The following CCSER1 variants were observed in gnomAD, a reference collection of about 807,000 sequenced individuals.
CCSER1 encodes coiled-coil serine rich protein 1.
In CCSER1, 41 loss-of-function variants were observed where a neutral mutation model predicts 82.0. The ratio of observed to expected loss-of-function variants is 0.50; its 90% confidence interval spans 0.39 to 0.65. The LOEUF is 0.65. Among genes scored for constraint, CCSER1 ranks in the 30% least tolerant of loss-of-function variants. The pLI is 0.00. For synonymous variants in CCSER1, 414 were observed against 383.9 expected (o/e 1.08, Z -0.92); for missense variants, 1,119 against 1,064.2 (o/e 1.05, Z -0.72).
intron 10 of CCSER1, among the ~76,000 whole-genome samples, chr4:91,557,045 A>T (rs1005702226): frequency 6.0e-5 from 9 of 150,250 alleles, no homozygotes; most frequent in South Asian, 4.2e-4. Flanking sequence ...GTTTTCTGTG[A>T]CACTTTGCTT....
chr4:90,364,204 C>T (rs1290695563), intron 3 of CCSER1, among the ~76,000 whole-genome samples: 1 of 151,890 alleles, frequency 6.6e-6, no homozygotes, highest in Non-Finnish European at 1.5e-5. Flanking sequence ...CAGGGACTGA[C>T]CATAAAGGGG....
intron 1 of CCSER1, among the ~76,000 whole-genome samples, chr4:90,189,884 T>G (rs570884954): frequency 1.2e-4 from 19 of 152,136 alleles, no homozygotes; most frequent in Admixed American, 1.2e-3. Flanking sequence ...TGAGTTTTGT[T>G]GTTTACTAGG....
chr4:90,874,196 T>C (rs1298866830), intron 8 of CCSER1, among the ~76,000 whole-genome samples: 1 of 152,134 alleles, frequency 6.6e-6, no homozygotes, highest in Non-Finnish European at 1.5e-5. Context: ...CAGTTATCTC[T>C]AGGCACAGCT....
chr4:90,714,274 CTT>C (rs2149338519), intron 6 of CCSER1, among the ~76,000 whole-genome samples: 1 of 151,710 alleles, frequency 6.6e-6, no homozygotes, highest in Non-Finnish European at 1.5e-5. Flanking sequence ...CTAGTTTGTA[CTT>C]TTAATACTTG....
chr4:91,346,949 A>G (rs752217016), intron 10 of CCSER1, among the ~76,000 whole-genome samples: 3 of 151,814 alleles, frequency 2.0e-5, no homozygotes, highest in Non-Finnish European at 4.4e-5. Flanking sequence ...CTTTCTCTTC[A>G]CAGTGTCTTT....
intron 4 of CCSER1, among the ~76,000 whole-genome samples, chr4:90,426,769 A>G (rs1042558196): frequency 6.6e-6 from 1 of 152,152 alleles, no homozygotes; most frequent in African/African-American, 2.4e-5. Flanking sequence ...TCTATTCTCT[A>G]TATCAGTAAA....
chr4:90,424,422 A>C (rs923726902), intron 4 of CCSER1, among the ~76,000 whole-genome samples: 1 of 152,136 alleles, frequency 6.6e-6, no homozygotes, highest in Non-Finnish European at 1.5e-5. Context: ...CAAAGGTAAA[A>C]TATGTATCAT....
chr4:90,858,045 CAGAT>C (rs1764661290), intron 8 of CCSER1, among the ~76,000 whole-genome samples: 1 of 151,914 alleles, frequency 6.6e-6, no homozygotes, highest in Non-Finnish European at 1.5e-5. Context: ...TAAAAAAGAA[CAGAT>C]AGCCATTTCC....
intron 5 of CCSER1, among the ~76,000 whole-genome samples, chr4:90,544,697 T>A (rs1472650865): frequency 6.6e-6 from 1 of 151,944 alleles, no homozygotes. Flanking sequence ...TGGTGTGACA[T>A]TTTCTACCCT....
chr4:90,428,967 T>C (rs1414681245), intron 4 of CCSER1, among the ~76,000 whole-genome samples: 2 of 151,800 alleles, frequency 1.3e-5, no homozygotes, highest in East Asian at 1.9e-4. Flanking sequence ...TTTGGAAGTC[T>C]GAACAAAATA....
At chr4:90,276,809 C>T (rs1191046035) in intron 1 of CCSER1, among the ~76,000 whole-genome samples, 1 of 152,020 alleles carries the variant, frequency 6.6e-6, no homozygotes, top group Non-Finnish European at 1.5e-5. Flanking sequence ...ATTTCACCTC[C>T]TTGGTTAGAT....
chr4:90,244,717 G>A (rs1482536212), intron 1 of CCSER1, among the ~76,000 whole-genome samples: 4 of 152,090 alleles, frequency 2.6e-5, no homozygotes, highest in African/African-American at 9.7e-5. Flanking sequence ...GAACAGCATG[G>A]GGAAACCGCC....
At chr4:90,549,157 C>G (rs1021414901) in intron 5 of CCSER1, among the ~76,000 whole-genome samples, 1 of 152,162 alleles carries the variant, frequency 6.6e-6, no homozygotes, top group Non-Finnish European at 1.5e-5. Context: ...TCACTGCATT[C>G]TTTCTGTAAT....
intron 5 of CCSER1, among the ~76,000 whole-genome samples, chr4:90,608,881 T>C (rs1379756721): frequency 6.6e-6 from 1 of 152,142 alleles, no homozygotes; most frequent in Non-Finnish European, 1.5e-5. Flanking sequence ...ATCTGTTTTA[T>C]AATAAAGAAA....
chr4:91,304,059 A>G (rs1744868433), intron 10 of CCSER1, among the ~76,000 whole-genome samples: 1 of 151,966 alleles, frequency 6.6e-6, no homozygotes, highest in Non-Finnish European at 1.5e-5. Context: ...TCCTGAGTCA[A>G]TTGCATTCTA....
chr4:91,252,671 C>A (rs915470569), intron 10 of CCSER1, among the ~76,000 whole-genome samples: 3 of 151,972 alleles, frequency 2.0e-5, no homozygotes, highest in African/African-American at 7.3e-5. Flanking sequence ...ACCTTGCCAA[C>A]CAAAATGGAT....
chr4:90,791,172 C>CA (rs1484137960), intron 7 of CCSER1, among the ~76,000 whole-genome samples: 1 of 152,106 alleles, frequency 6.6e-6, no homozygotes, highest in East Asian at 1.9e-4. Context: ...GACTTACTAT[C>CA]ATGAGGCTAC....
chr4:90,705,420 A>C (rs1413036657), intron 6 of CCSER1, among the ~76,000 whole-genome samples: 1 of 152,224 alleles, frequency 6.6e-6, no homozygotes, highest in Non-Finnish European at 1.5e-5. Context: ...TTCGGGGGTC[A>C]GGGACCCACT....
rs569980054 is a variant in CCSER1, at chr4:91,190,970, A to C, written c.2217+104976A>C. Reference sequence around the variant, plus strand: ...TAACACTGCCCACCTGGTTGTTATCAGGATTAAATGAGTTAATCAGAATAA... The same window carrying C: ...TAACACTGCCCACCTGGTTGTTATCCGGATTAAATGAGTTAATCAGAATAA... On this transcript the variant is annotated intron_variant, in intron 10 of 10. Transcript: ENST00000509176. 3.5e-4 allele frequency among the ~76,000 whole-genome samples: 53 copies of C among 152,360 alleles called. No individual in the cohort carries two copies. In the East Asian group the frequency reaches 9.8e-3, roughly 28 times the overall value.
Sources: gnomAD v4.1 joint callset for allele counts (sites outside exome capture counted in the v4.1 genomes callset) on GRCh38, gnomAD v4.1.1 for gene constraint, MANE v1.5 for transcripts, NCBI Gene and HGNC (gene_info 2026-07-23, HGNC 2026-07-21) for gene names.